The following GRM1 variants were observed in gnomAD, a reference collection of about 807,000 sequenced individuals.
GRM1 encodes the protein metabotropic glutamate receptor 1.
GRM1 carries 33 observed loss-of-function variants against 90.9 expected under a neutral mutation model. That is an observed-to-expected ratio of 0.36 (90% confidence interval 0.28 to 0.49). The LOEUF (loss-of-function observed/expected upper bound fraction) is 0.49, where lower values mean the gene tolerates loss of function less well. GRM1 is among the 20% of genes least tolerant of loss of function. The pLI is 0.99. For missense variants in GRM1, 1,190 were observed against 1,534.3 expected (o/e 0.78, Z 3.75); for synonymous variants, 700 against 613.2 (o/e 1.14, Z -2.09).
At position 146,111,220 on chromosome 6, in the gene GRM1, A is replaced by T. The variant is rs569586739; in HGVS notation, c.701-48128A>T. On this transcript the variant is annotated intron_variant, in intron 1 of 7. Transcript: ENST00000282753. The stretch of plus-strand genomic sequence containing the variant: ...GAATCATAGCACAGCCATTTTGGAG[A>T]TAAGATTTTATGGGGAAAAAAAGTG... 1.1e-4 allele frequency among the ~76,000 whole-genome samples: 16 copies of T among 152,310 alleles called. No homozygotes were observed. The East Asian group carries it at 2.7e-3, about 26-fold the overall frequency.
chr6:146,407,448 A>G (rs755932140), intron 7 of GRM1, among the ~76,000 whole-genome samples: 29 of 152,218 alleles, frequency 1.9e-4, no homozygotes, highest in Non-Finnish European at 3.8e-4. Context: ...ATTATGCTAT[A>G]TCTTCAAAGA....
chr6:146,154,878 T>A (rs2128889539), intron 1 of GRM1, among the ~76,000 whole-genome samples: 1 of 152,364 alleles, frequency 6.6e-6, no homozygotes, highest in East Asian at 1.9e-4. Flanking sequence ...ATCTTTGAAC[T>A]TCTAGCATTC....
chr6:146,165,433 G>A (rs1777873169), intron 2 of GRM1, among the ~76,000 whole-genome samples: 1 of 152,068 alleles, frequency 6.6e-6, no homozygotes, highest in Admixed American at 6.6e-5. Flanking sequence ...AAAGTTTGCA[G>A]CATTCAGGAA....
intron 1 of GRM1, among the ~76,000 whole-genome samples, chr6:146,090,584 C>T (rs1274527283): frequency 6.6e-6 from 1 of 152,022 alleles, no homozygotes; most frequent in Non-Finnish European, 1.5e-5. Flanking sequence ...TAATGTAATC[C>T]CTGCCCCATT....
Position 146,154,103 on chromosome 6 carries a change from A to G in GRM1, c.701-5245A>G, listed in dbSNP as rs144676579. On this transcript the variant is annotated intron_variant, in intron 1 of 7. Transcript: ENST00000282753. ...AGGGTCTTTATTAGGTTTAAAACAC[A>G]AGGATTTTCTTATTCTAATGCAAAG... 5.4e-3 allele frequency among the ~76,000 whole-genome samples: 823 copies of G among 152,252 alleles called. 6 individuals are homozygous for G. Among genetic ancestry groups the G allele is most frequent in the African/African-American group, 0.019 (790 of 41,542 alleles).
intron 2 of GRM1, among the ~76,000 whole-genome samples, chr6:146,239,541 A>G (rs901635048): frequency 7.2e-5 from 11 of 152,218 alleles, no homozygotes; most frequent in Admixed American, 1.3e-4. Context: ...TGTTTGACGG[A>G]TGCATGAAAA....
At chr6:146,184,112 A>G (rs1230521984) in intron 2 of GRM1, among the ~76,000 whole-genome samples, 2 of 152,178 alleles carry the variant, frequency 1.3e-5, no homozygotes, top group East Asian at 1.9e-4. Context: ...AGCACTTGCC[A>G]GATGATAAAA....
At chr6:146,111,306 C>A (rs1775549686) in intron 1 of GRM1, among the ~76,000 whole-genome samples, 1 of 152,162 alleles carries the variant, frequency 6.6e-6, no homozygotes, top group South Asian at 2.1e-4. Flanking sequence ...GCTTTCACGA[C>A]CATGGGTCCC....
chr6:146,401,105 G>T (rs1006601446), intron 7 of GRM1, among the ~76,000 whole-genome samples: 2 of 151,944 alleles, frequency 1.3e-5, no homozygotes, highest in Non-Finnish European at 2.9e-5. Context: ...AAGAAGCAAC[G>T]TGGGCATCTT....
At chr6:146,265,327 T>G (rs1781839804) in intron 2 of GRM1, among the ~76,000 whole-genome samples, 1 of 152,228 alleles carries the variant, frequency 6.6e-6, no homozygotes, top group Non-Finnish European at 1.5e-5. Flanking sequence ...TTGTACATCT[T>G]CTTTTGAGGA....
chr6:146,140,109 CTTT>C (rs1776802864), intron 1 of GRM1, among the ~76,000 whole-genome samples: 1 of 112,500 alleles, frequency 8.9e-6, no homozygotes, highest in Non-Finnish European at 1.8e-5. Context: ...TTCTTTCTTT[CTTT>C]CTTTCTTTCT....
At chr6:146,104,639 A>G (rs1221436193) in intron 1 of GRM1, among the ~76,000 whole-genome samples, 1 of 152,190 alleles carries the variant, frequency 6.6e-6, no homozygotes, top group Non-Finnish European at 1.5e-5. Context: ...GAATTTCCGA[A>G]AGGCAAAGGT....
At chr6:146,346,971 C>A (rs145565254) in intron 3 of GRM1, among the ~76,000 whole-genome samples, 2 of 152,102 alleles carry the variant, frequency 1.3e-5, no homozygotes, top group African/African-American at 4.8e-5. Context: ...GATAGAATAA[C>A]GCGGTGTTTG....
At chr6:146,176,190 G>A (rs1778332068) in intron 2 of GRM1, among the ~76,000 whole-genome samples, 1 of 151,930 alleles carries the variant, frequency 6.6e-6, no homozygotes, top group Non-Finnish European at 1.5e-5. Context: ...AGTAAATGTT[G>A]ACAATTGTGA....
At chr6:146,121,321 T>G (rs1775981817) in intron 1 of GRM1, among the ~76,000 whole-genome samples, 1 of 152,162 alleles carries the variant, frequency 6.6e-6, no homozygotes, top group South Asian at 2.1e-4. Context: ...ATTTGATTCT[T>G]CTCTCTTTTT....
At chr6:146,179,704 A>C (rs545060924) in intron 2 of GRM1, among the ~76,000 whole-genome samples, 58 of 152,030 alleles carry the variant, frequency 3.8e-4, no homozygotes, top group African/African-American at 1.4e-3. Flanking sequence ...TTTTTAGTAG[A>C]CGGGGTTTCA....
chr6:146,343,701 C>G (rs560654063), intron 3 of GRM1, among the ~76,000 whole-genome samples: 106 of 142,060 alleles, frequency 7.5e-4, no homozygotes, highest in African/African-American at 2.9e-3. Flanking sequence ...GAGTCTTTCT[C>G]TGTTGCCCAG....
At chr6:146,139,919 C>CCCTTCCCTTCCCTT (rs1562487836) in intron 1 of GRM1, among the ~76,000 whole-genome samples, 1 of 56,112 alleles carries the variant, frequency 1.8e-5, no homozygotes. Flanking sequence ...TCCCTTCCCT[C>CCCTTCCCTTCCCTT]CCCTCCCCTC....
intron 2 of GRM1, among the ~76,000 whole-genome samples, chr6:146,193,411 C>G (rs1778998188): frequency 6.6e-6 from 1 of 152,146 alleles, no homozygotes; most frequent in Non-Finnish European, 1.5e-5. Flanking sequence ...AGTAAAGAGA[C>G]TGAGACACTG....
Sources: gnomAD v4.1 joint callset for allele counts (sites outside exome capture counted in the v4.1 genomes callset) on GRCh38, gnomAD v4.1.1 for gene constraint, MANE v1.5 for transcripts, NCBI Gene and HGNC (gene_info 2026-07-23, HGNC 2026-07-21) for gene names.